The following HRK variants were observed in gnomAD, a reference collection of about 807,000 sequenced individuals.
HRK encodes activator of apoptosis harakiri.
A neutral mutation model predicts 5.9 loss-of-function variants in HRK; 6 were observed. The ratio of observed to expected loss-of-function variants is 1.02; its 90% CI spans 0.56 to 2.01. The LOEUF (loss-of-function observed/expected upper bound fraction) is 2.01. Ranked by LOEUF, HRK falls within the 30% of genes most tolerant of loss-of-function variation. The probability of loss-of-function intolerance (pLI) is 0.00; values close to 1 mark genes in which losing one functional copy is unlikely to be tolerated. For missense variants in HRK, 133 were observed against 128.3 expected (o/e 1.04, Z -0.18); for synonymous variants, 85 against 65.1 (o/e 1.31, Z -1.47).
intron 1 of HRK, among the ~76,000 whole-genome samples, chr12:116,863,649 G>C (rs1878440874): frequency 6.6e-6 from 1 of 151,680 alleles, no homozygotes; most frequent in Non-Finnish European, 1.5e-5. Flanking sequence ...CATAGTCTAT[G>C]TCAGCTGACA....
chr12:116,867,748 A>T (rs554897442), intron 1 of HRK: 1 of 152,358 alleles, frequency 6.6e-6, no homozygotes, highest in African/African-American at 2.4e-5. Context: ...ATTAAAAAGG[A>T]TGAGGAAAAC....
Position 116,879,847 on chromosome 12 carries a change from G to C in HRK, c.*56+1129C>G, listed in dbSNP as rs970538993. ...GTGTCTGCGGCGCGCGGCGGGGCTC[G>C]GGGGCGGGGACCTAAGGGCGGCTGG... On this transcript the variant is annotated intron_variant, in intron 1 of 1. Transcript: ENST00000257572. The surrounding 1 kb of genome is among the most constrained non-coding windows in gnomAD (Gnocchi z 5.6). Among the ~76,000 whole-genome samples, 1 of 152,176 alleles carries C rather than the reference G, an allele frequency of 6.6e-6. No homozygotes were observed. Among genetic ancestry groups the C allele is most frequent in the Non-Finnish European group, 1.5e-5 (1 of 68,026 alleles).
At chr12:116,875,216 G>A (rs981930004) in intron 1 of HRK, among the ~76,000 whole-genome samples, 1 of 152,116 alleles carries the variant, frequency 6.6e-6, no homozygotes, top group Non-Finnish European at 1.5e-5. Flanking sequence ...TCAAGGACTT[G>A]GCATCCTTGG....
Position 116,859,815 on chromosome 12 carries a change from G to A in HRK, c.*1708C>T, listed in dbSNP as rs1181652646. The A allele has an allele frequency of 6.6e-6, 1 of 152,136 alleles. No individual in the cohort carries two copies. The highest frequency in any genetic ancestry group is 1.5e-5 in the Non-Finnish European group (1 of 68,022). 9.4% of individuals were successfully genotyped at this position (152,136 alleles called of 1,614,324 possible). Reference sequence around the variant, plus strand: ...TCCCAGCTTGCAGCAGCACTGAGAGGTTGTACATTCTAAAGGACCTGGTCA... The same window carrying A: ...TCCCAGCTTGCAGCAGCACTGAGAGATTGTACATTCTAAAGGACCTGGTCA... On this transcript the variant is annotated 3_prime_UTR_variant, in exon 2 of 2. Coordinates refer to ENST00000257572, the MANE Select transcript of HRK (RefSeq NM_003806.4).
intron 1 of HRK, among the ~76,000 whole-genome samples, chr12:116,880,091 C>T (rs1426964937): frequency 1.3e-5 from 2 of 152,184 alleles, no homozygotes; most frequent in Non-Finnish European, 2.9e-5. Flanking sequence ...TAGTACCTTC[C>T]TCCCACTGAT....
Position 116,861,243 on chromosome 12 carries a change from T to TA in HRK, c.*279_*280insT, listed in dbSNP as rs1332300871. The TA allele has an allele frequency of 1.3e-5, 2 of 152,170 alleles. No individual in the cohort carries two copies. Among genetic ancestry groups the TA allele is most frequent in the African/African-American group, 4.8e-5 (2 of 41,436 alleles). The allele number at this position is 152,170 out of a possible 1,614,324, so 9.4% of individuals were successfully genotyped here. ...TACGTAATATTCATATTTTCTTTTT[T>TA]TATATATATAGAGCTGTATGTAAAT... On this transcript the variant is annotated 3_prime_UTR_variant, in exon 2 of 2. Transcript: ENST00000257572.
Position 116,875,150 on chromosome 12 carries a change from AGAT to A in HRK, c.*56+5823_*56+5825del, listed in dbSNP as rs1878885407. Among the ~76,000 whole-genome samples the A allele has an allele frequency of 3.9e-5, 6 of 152,256 alleles. No individual in the cohort carries two copies. In the South Asian group the frequency reaches 1.2e-3, roughly 32 times the overall value. ...GTATTGGGTATTATAAGTAATCTAA[AGAT>A]GATTTAAAGCCTACAGTGTGTGGGT... On this transcript the variant is annotated intron_variant, in intron 1 of 1. Coordinates refer to ENST00000257572, the MANE Select transcript of HRK (RefSeq NM_003806.4).
At chr12:116,880,293 C>T (rs150789464) in intron 1 of HRK, among the ~76,000 whole-genome samples, 1 of 152,348 alleles carries the variant, frequency 6.6e-6, no homozygotes, top group African/African-American at 2.4e-5. Flanking sequence ...CAGCTACAAC[C>T]GTCTGGGGAG....
In HRK at chr12:116,881,239, C is replaced by G. The variant is rs1879144259; in HGVS notation, c.69G>C (p.Leu23=). 2 of 1,102,246 alleles carry G rather than the reference C, an allele frequency of 1.8e-6. 1 individual carries two copies. Among genetic ancestry groups the G allele is most frequent in the South Asian group, 8.6e-5 (2 of 23,168 alleles). 68.3% of individuals were successfully genotyped at this position (1,102,246 alleles called of 1,614,324 possible). A position where few individuals can be genotyped will look rare whatever the true frequency, so the allele number is the denominator to read the frequency against. The part of the protein sequence containing the change: ...PAVCACSAGR[L]GLRSSAAQLT... ...GCTGCGCGGCGGACGAGCGCAGCCCCAGGCGACCCGCGCTGCAGGCGCACA... is the reference window on the plus strand; with the variant it reads ...GCTGCGCGGCGGACGAGCGCAGCCCGAGGCGACCCGCGCTGCAGGCGCACA... Residue 23 remains leucine, a synonymous_variant, in exon 1 of 2, where the codon CTG becomes CTC. Coordinates refer to ENST00000257572, the MANE Select transcript of HRK (RefSeq NM_003806.4).
In HRK at chr12:116,878,313, G is replaced by T. The variant is rs1879011086; in HGVS notation, c.*56+2663C>A. On this transcript the variant is annotated intron_variant, in intron 1 of 1. Transcript: ENST00000257572. The surrounding 1 kb of genome is among the most constrained non-coding windows in gnomAD (Gnocchi z 4.4). The stretch of plus-strand genomic sequence containing the variant: ...TTCCCACCCTATATGGCTGGCACAG[G>T]CCTCCCTCAAACACCTAAGGTACAG... The T allele has an allele frequency of 6.6e-6, 1 of 152,288 alleles. No homozygotes were observed. Among genetic ancestry groups the T allele is most frequent in the African/African-American group, 2.4e-5 (1 of 41,440 alleles). 9.4% of individuals were successfully genotyped at this position (152,288 alleles called of 1,614,324 possible).
In HRK at chr12:116,881,111, G is replaced by A; in HGVS notation, c.197C>T (p.Pro66Leu). ...CGCGCACAGCCAAGGCCAGTAGGTG[G>A]GGAGCGCGCCGGGCGCCGGCGCCCT... ...SRRAPAPGAL[P>L]TYWPWLCAAA... Residue 66 changes from proline (P) to leucine (L), a missense_variant, in exon 1 of 2, where the codon CCC becomes CTC. Pro to Leu is a moderately conservative substitution (Grantham distance 98, BLOSUM62 -3). Transcript: ENST00000257572. 8.1e-7 allele frequency: 1 copy of A among 1,237,500 alleles called. No homozygotes were observed. The highest frequency in any genetic ancestry group is 1.0e-6 in the Non-Finnish European group (1 of 991,676). 76.7% of individuals were successfully genotyped at this position (1,237,500 alleles called of 1,614,324 possible).
chr12:116,857,758 A>G lies in HRK; in HGVS notation c.*3765T>C, dbSNP rs185175485. The G allele has an allele frequency of 6.6e-6, 1 of 152,326 alleles. No homozygotes were observed. The highest frequency in any genetic ancestry group is 6.5e-5 in the Admixed American group (1 of 15,304). The allele number at this position is 152,326 out of a possible 1,614,324, so 9.4% of individuals were successfully genotyped here. ...TCACCATCAAAACAGAAAAGAATCAAAATAAGAAGTGGAGGCTGAGCTCGG... is the reference window on the plus strand; with the variant it reads ...TCACCATCAAAACAGAAAAGAATCAGAATAAGAAGTGGAGGCTGAGCTCGG... On this transcript the variant is annotated 3_prime_UTR_variant, in exon 2 of 2. Coordinates refer to ENST00000257572, the MANE Select transcript of HRK (RefSeq NM_003806.4).
Position 116,857,767 on chromosome 12 carries a change from G to C in HRK, c.*3756C>G, listed in dbSNP as rs1486325007. 1 of 152,166 alleles carries C rather than the reference G, an allele frequency of 6.6e-6. No homozygotes were observed. The highest frequency in any genetic ancestry group is 2.4e-5 in the African/African-American group (1 of 41,440). The allele number at this position is 152,166 out of a possible 1,614,324, so 9.4% of individuals were successfully genotyped here. On this transcript the variant is annotated 3_prime_UTR_variant, in exon 2 of 2. Transcript: ENST00000257572. Reference sequence around the variant, plus strand: ...AAACAGAAAAGAATCAAAATAAGAAGTGGAGGCTGAGCTCGGTGGCTCATG... The same window carrying C: ...AAACAGAAAAGAATCAAAATAAGAACTGGAGGCTGAGCTCGGTGGCTCATG...
chr12:116,873,267 T>C (rs952362635), intron 1 of HRK, among the ~76,000 whole-genome samples: 2 of 152,194 alleles, frequency 1.3e-5, no homozygotes, highest in Non-Finnish European at 2.9e-5. Context: ...CCCCAGTAGC[T>C]GGGATTACAG....
chr12:116,872,242 C>A (rs1236460991), intron 1 of HRK, among the ~76,000 whole-genome samples: 1 of 151,984 alleles, frequency 6.6e-6, no homozygotes, highest in Admixed American at 6.6e-5. Context: ...TGGTGGCAGG[C>A]ACCTGTAATC....
At position 116,859,889 on chromosome 12, in the gene HRK, C is replaced by T. The variant is rs1878296568; in HGVS notation, c.*1634G>A. On this transcript the variant is annotated 3_prime_UTR_variant, in exon 2 of 2. Transcript: ENST00000257572. ...ATAATTCCCATTTCAGCCGCATCCA[C>T]CTTAACAAATGTGGATCCCACTGCT... 1.3e-5 allele frequency: 2 copies of T among 152,196 alleles called. No homozygotes were observed. The allele number at this position is 152,196 out of a possible 1,614,324, so 9.4% of individuals were successfully genotyped here. A position where few individuals can be genotyped will look rare whatever the true frequency, so the allele number is the denominator to read the frequency against.
At chr12:116,868,263 C>T (rs764486089) in intron 1 of HRK, among the ~76,000 whole-genome samples, 33 of 151,958 alleles carry the variant, frequency 2.2e-4, no homozygotes, top group Admixed American at 3.9e-4. Flanking sequence ...GCTAAAATGC[C>T]TGACTTTTAA....
chr12:116,871,369 C>T (rs1043376820), intron 1 of HRK, among the ~76,000 whole-genome samples: 4 of 151,780 alleles, frequency 2.6e-5, no homozygotes, highest in Non-Finnish European at 5.9e-5. Flanking sequence ...GTGGCACGAT[C>T]TCGGCTCACT....
intron 1 of HRK, among the ~76,000 whole-genome samples, chr12:116,870,201 T>C (rs970152413): frequency 2.0e-5 from 3 of 152,148 alleles, no homozygotes; most frequent in Non-Finnish European, 4.4e-5. Context: ...CATTTTGTCT[T>C]AGTTTCTCCA....
Sources: allele counts gnomAD v4.1 joint callset (sites outside exome capture counted in the v4.1 genomes callset), GRCh38; gene constraint gnomAD v4.1.1; non-coding constraint Gnocchi (gnomAD v3.1); transcripts MANE v1.5; gene names NCBI Gene and HGNC (gene_info 2026-07-23, HGNC 2026-07-21).